ATOSA: variants seen among roughly 807,000 people sequenced by gnomAD.
ATOSA encodes atos homolog protein A.
At chr15:52,641,589 A>G in the ATOSA span, among the ~76,000 whole-genome samples, 1 of 152,252 alleles carries the variant, frequency 6.6e-6, no homozygotes, top group African/African-American at 2.4e-5. Context: ...CAGTTCCTTC[A>G]GTCATTCAGC....
chr15:52,625,944 T>C, the ATOSA span, among the ~76,000 whole-genome samples: 2 of 152,210 alleles, frequency 1.3e-5, no homozygotes, highest in African/African-American at 4.8e-5. Flanking sequence ...ACAACATCTC[T>C]TTCCTCAGTA....
the ATOSA span, among the ~76,000 whole-genome samples, chr15:52,706,038 C>T: frequency 6.6e-6 from 1 of 152,006 alleles, no homozygotes; most frequent in South Asian, 2.1e-4. Context: ...TGCTGTGAAA[C>T]AAACAAACAA....
the ATOSA span, chr15:52,613,537 T>A: frequency 2.9e-6 from 3 of 1,030,218 alleles, no homozygotes; most frequent in African/African-American, 4.9e-5. Context: ...GGTCCAGGAT[T>A]TGGATTTTTT....
chr15:52,699,558 C>G, the ATOSA span, among the ~76,000 whole-genome samples: 2 of 151,776 alleles, frequency 1.3e-5, no homozygotes, highest in East Asian at 1.9e-4. Context: ...TTCACCCTCC[C>G]GTTTCACTCT....
At chr15:52,588,611 G>C in the ATOSA span, among the ~76,000 whole-genome samples, 1 of 152,028 alleles carries the variant, frequency 6.6e-6, no homozygotes, top group African/African-American at 2.4e-5. Context: ...GCTAATTTTT[G>C]TATTTTTAGT....
chr15:52,582,885 T>C, the ATOSA span, among the ~76,000 whole-genome samples: 1 of 152,262 alleles, frequency 6.6e-6, no homozygotes, highest in African/African-American at 2.4e-5. Flanking sequence ...TTCTATCCAC[T>C]GCTAATATCT....
chr15:52,584,515 A>T, the ATOSA span, among the ~76,000 whole-genome samples: 11 of 152,154 alleles, frequency 7.2e-5, no homozygotes, highest in African/African-American at 2.7e-4. Context: ...TTGGCATAAA[A>T]TATTTTATAT....
At chr15:52,651,811 C>A in the ATOSA span, 16 of 1,498,062 alleles carry the variant, frequency 1.1e-5, no homozygotes, top group Admixed American at 7.9e-5. Flanking sequence ...AACTGGTAAA[C>A]AGCTACAGAA....
the ATOSA span, among the ~76,000 whole-genome samples, chr15:52,604,821 C>CA: frequency 1.3e-5 from 2 of 152,028 alleles, no homozygotes; most frequent in South Asian, 4.2e-4. Flanking sequence ...GCAGATGACC[C>CA]AGTTAGTGGT....
chr15:52,625,162 T>TA, the ATOSA span, among the ~76,000 whole-genome samples: 1 of 151,978 alleles, frequency 6.6e-6, no homozygotes, highest in African/African-American at 2.4e-5. Context: ...ATAAGGAAAA[T>TA]AAGGTACAAA....
the ATOSA span, among the ~76,000 whole-genome samples, chr15:52,614,305 C>T: frequency 1.3e-5 from 2 of 151,376 alleles, no homozygotes; most frequent in African/African-American, 4.8e-5. Context: ...GGGGTTTTGC[C>T]ATGTTGGTCA....
the ATOSA span, among the ~76,000 whole-genome samples, chr15:52,682,294 T>C: frequency 6.6e-6 from 1 of 151,644 alleles, no homozygotes; most frequent in Non-Finnish European, 1.5e-5. Context: ...AAAAAAAAAA[T>C]TGTGTTGCAG....
At chr15:52,607,433 A>C in the ATOSA span, among the ~76,000 whole-genome samples, 2 of 152,226 alleles carry the variant, frequency 1.3e-5, no homozygotes, top group East Asian at 3.8e-4. Flanking sequence ...TTTCTAAACA[A>C]GAGGAATGAA....
chr15:52,707,856 T>A, the ATOSA span, among the ~76,000 whole-genome samples: 1 of 152,160 alleles, frequency 6.6e-6, no homozygotes, highest in Non-Finnish European at 1.5e-5. Flanking sequence ...TTTGTAAGAA[T>A]GAGAAATGCT....
chr15:52,625,031 G>A, the ATOSA span, among the ~76,000 whole-genome samples: 2 of 152,106 alleles, frequency 1.3e-5, no homozygotes, highest in Admixed American at 6.5e-5. Flanking sequence ...CACCCGTCTT[G>A]GCCTCCCAAA....
chr15:52,605,179 G>C, the ATOSA span: 2 of 1,611,282 alleles, frequency 1.2e-6, no homozygotes, highest in Admixed American at 3.4e-5. Context: ...AAAGGCTCTG[G>C]TTGAAGTTCC....
chr15:52,704,325 C>T, the ATOSA span, among the ~76,000 whole-genome samples: 1,393 of 152,266 alleles, frequency 9.1e-3, 21 homozygotes, highest in African/African-American at 0.032. Context: ...GAAACTGGAT[C>T]ACTTCCTTAC....
At chr15:52,703,622 G>A in the ATOSA span, among the ~76,000 whole-genome samples, 3 of 151,604 alleles carry the variant, frequency 2.0e-5, no homozygotes, top group Admixed American at 6.6e-5. Flanking sequence ...AAATACATAT[G>A]CACAAGGTTA....
the ATOSA span, among the ~76,000 whole-genome samples, chr15:52,694,169 T>TA: frequency 0.027 from 803 of 30,226 alleles, 14 homozygotes; most frequent in East Asian, 0.12. Context: ...TATATATATA[T>TA]TTTTTTTTTT....
Sources: allele counts gnomAD v4.1 joint callset (sites outside exome capture counted in the v4.1 genomes callset), GRCh38; gene constraint gnomAD v4.1.1; transcripts MANE v1.5; gene names NCBI Gene and HGNC (gene_info 2026-07-23, HGNC 2026-07-21).